The following SYNPR variants were observed in gnomAD, a reference collection of about 807,000 sequenced individuals.
The protein encoded by SYNPR is synaptoporin.
SYNPR carries 23 observed loss-of-function variants against 32.9 expected under a neutral mutation model. The observed-to-expected ratio is 0.70, with a 90% CI of 0.50 to 0.99. The LOEUF (loss-of-function observed/expected upper bound fraction) is 0.99, where lower values mean the gene tolerates loss of function less well. SYNPR is among the 50% of genes least tolerant of loss of function. SYNPR has a pLI of 0.00. For synonymous variants in SYNPR, 146 were observed against 135.9 expected (o/e 1.07, Z -0.52); for missense variants, 318 against 349.3 (o/e 0.91, Z 0.71).
At chr3:63,567,595 A>G (rs1485219517) in intron 4 of SYNPR, among the ~76,000 whole-genome samples, 2 of 152,242 alleles carry the variant, frequency 1.3e-5, no homozygotes, top group African/African-American at 4.8e-5. Flanking sequence ...ACAGTTCATT[A>G]GACTTTCAAA....
chr3:63,358,188 T>C (rs1021066818), intron 2 of SYNPR, among the ~76,000 whole-genome samples: 1 of 152,228 alleles, frequency 6.6e-6, no homozygotes, highest in African/African-American at 2.4e-5. Flanking sequence ...TGTAACAAAT[T>C]ACCACAAACT....
chr3:63,519,991 A>C (rs1701875036), intron 3 of SYNPR, among the ~76,000 whole-genome samples: 2 of 152,218 alleles, frequency 1.3e-5, no homozygotes, highest in African/African-American at 4.8e-5. Context: ...ATGTGTCTCC[A>C]AATTTATATA....
At chr3:63,401,059 A>T (rs1473632195) in intron 2 of SYNPR, among the ~76,000 whole-genome samples, 1 of 152,036 alleles carries the variant, frequency 6.6e-6, no homozygotes, top group Non-Finnish European at 1.5e-5. Context: ...TTTTATGATG[A>T]TAACAAGAGG....
chr3:63,401,968 A>G (rs1423315330), intron 2 of SYNPR, among the ~76,000 whole-genome samples: 1 of 152,150 alleles, frequency 6.6e-6, no homozygotes, highest in Non-Finnish European at 1.5e-5. Context: ...CCTAGAGAAC[A>G]AAGTCTTCTC....
chr3:63,587,737 A>G (rs1341103233), intron 4 of SYNPR, among the ~76,000 whole-genome samples: 2 of 152,048 alleles, frequency 1.3e-5, no homozygotes, highest in Non-Finnish European at 2.9e-5. Flanking sequence ...GAGATGGGGT[A>G]TCCTTGAGGT....
intron 2 of SYNPR, among the ~76,000 whole-genome samples, chr3:63,413,295 T>C (rs190606475): frequency 9.8e-5 from 15 of 152,358 alleles, no homozygotes; most frequent in Admixed American, 7.8e-4. Context: ...ATGTTTTGAC[T>C]ATAGCTGACT....
At chr3:63,566,214 C>A (rs575757373) in intron 4 of SYNPR, among the ~76,000 whole-genome samples, 1 of 152,086 alleles carries the variant, frequency 6.6e-6, no homozygotes, top group Non-Finnish European at 1.5e-5. Context: ...TTAACTTTTA[C>A]GGCTACCACA....
At chr3:63,327,891 C>A (rs749819344) in intron 2 of SYNPR, among the ~76,000 whole-genome samples, 2 of 151,952 alleles carry the variant, frequency 1.3e-5, no homozygotes, top group Non-Finnish European at 2.9e-5. Flanking sequence ...CTGTTTTACA[C>A]TTTTCTGCAT....
intron 2 of SYNPR, among the ~76,000 whole-genome samples, chr3:63,439,043 A>T (rs1020501118): frequency 3.3e-5 from 5 of 152,202 alleles, no homozygotes; most frequent in Non-Finnish European, 7.3e-5. Context: ...GAGAGGCCAG[A>T]TGTTTAGAAA....
chr3:63,509,452 A>T (rs1701654395), intron 3 of SYNPR, among the ~76,000 whole-genome samples: 1 of 152,040 alleles, frequency 6.6e-6, no homozygotes, highest in Non-Finnish European at 1.5e-5. Flanking sequence ...ATCTCTTAAA[A>T]TAAGTGTGGC....
At chr3:63,269,423 A>T (rs1015572616) in intron 3 of SYNPR, among the ~76,000 whole-genome samples, 2 of 152,032 alleles carry the variant, frequency 1.3e-5, no homozygotes, top group African/African-American at 4.8e-5. Flanking sequence ...CAGGAGGCAG[A>T]GGTTTCAGTG....
chr3:63,203,520 C>G, the SYNPR span: 1 of 152,122 alleles, frequency 6.6e-6, no homozygotes, highest in South Asian at 2.1e-4. Context: ...GAACCCCGGT[C>G]GCAGTCAACG....
chr3:63,301,337 A>G (rs978640449), intron 2 of SYNPR, among the ~76,000 whole-genome samples: 1 of 152,130 alleles, frequency 6.6e-6, no homozygotes, highest in Non-Finnish European at 1.5e-5. Flanking sequence ...TTGAGAAGCT[A>G]TTTTTAAAAT....
chr3:63,363,437 C>A (rs17068328), intron 2 of SYNPR, among the ~76,000 whole-genome samples: 2,403 of 152,274 alleles, frequency 0.016, 50 homozygotes, highest in African/African-American at 0.054. Context: ...CTGAGACTTT[C>A]TCAAGATCTA....
At chr3:63,301,759 C>T (rs1701075616) in intron 2 of SYNPR, among the ~76,000 whole-genome samples, 1 of 152,184 alleles carries the variant, frequency 6.6e-6, no homozygotes, top group African/African-American at 2.4e-5. Context: ...TTAGCAGTAA[C>T]TAGCAGCTGG....
rs921842407 is a variant in SYNPR at position 63,520,031 on chromosome 3, T to A, written c.210-36512T>A. Reference sequence around the variant, plus strand: ...AACATATAAATCTCCAAATTTGGAGTCAGATGGTAGGTTCTATTTTAACCT... The same window carrying A: ...AACATATAAATCTCCAAATTTGGAGACAGATGGTAGGTTCTATTTTAACCT... On this transcript the variant is annotated intron_variant, in intron 3 of 5. Coordinates refer to ENST00000478300, the MANE Select transcript of SYNPR (RefSeq NM_001130003.2). Among the ~76,000 whole-genome samples the A allele has an allele frequency of 3.9e-5, 6 of 152,138 alleles. No individual in the cohort carries two copies. The East Asian group carries it at 1.2e-3, about 29-fold the overall frequency.
At chr3:63,482,090 G>A (rs761881335) in intron 3 of SYNPR, among the ~76,000 whole-genome samples, 14 of 152,136 alleles carry the variant, frequency 9.2e-5, no homozygotes, top group African/African-American at 2.4e-5. Flanking sequence ...AACTGGAAGA[G>A]TGCCTGAGCT....
intron 2 of SYNPR, among the ~76,000 whole-genome samples, chr3:63,266,290 A>G (rs1205245562): frequency 6.6e-6 from 1 of 151,894 alleles, no homozygotes; most frequent in African/African-American, 2.4e-5. Flanking sequence ...TATTTTCACT[A>G]TTGTTACATT....
chr3:63,549,519 C>G (rs937189444), intron 3 of SYNPR, among the ~76,000 whole-genome samples: 1 of 152,136 alleles, frequency 6.6e-6, no homozygotes, highest in East Asian at 1.9e-4. Context: ...GTTTCCTCCT[C>G]TGTAAAATGG....
Sources: allele counts gnomAD v4.1 joint callset (sites outside exome capture counted in the v4.1 genomes callset), GRCh38; gene constraint gnomAD v4.1.1; transcripts MANE v1.5; gene names NCBI Gene and HGNC (gene_info 2026-07-23, HGNC 2026-07-21).